Variants in SCIN observed in about 807,000 individuals in gnomAD.
The protein encoded by SCIN is adseverin.
A neutral mutation model predicts 91.8 loss-of-function variants in SCIN; 91 were observed. That is an observed-to-expected ratio of 0.99 (90% CI 0.84 to 1.18). SCIN has a LOEUF of 1.18. Ranked by LOEUF, SCIN falls within the 50% of genes most tolerant of loss-of-function variation. The probability of loss-of-function intolerance (pLI) is 0.00; values close to 1 mark genes in which losing one functional copy is unlikely to be tolerated. For synonymous variants in SCIN, 367 were observed against 312.6 expected, an observed-to-expected ratio of 1.17 and a Z score of -1.84; for missense variants, 1,087 against 863.9, an observed-to-expected ratio of 1.26 and a Z score of -3.24.
At position 12,600,029 on chromosome 7, in the gene SCIN, A is replaced by T. The variant is rs192911263; in HGVS notation, c.517-4485A>T. Among the ~76,000 whole-genome samples the T allele has an allele frequency of 1.6e-3, 241 of 152,134 alleles. 1 individual carries two copies. The highest frequency in any genetic ancestry group is 3.4e-3 in the Middle Eastern group (1 of 294). On this transcript the variant is annotated intron_variant, in intron 3 of 15. Coordinates refer to ENST00000297029, the MANE Select transcript of SCIN (RefSeq NM_001112706.3). ...TTTTTAGTTTAGTTAAGTCCTATCT[A>T]TTTACCTTTGTTTTTGTTGCATTTG...
intron 3 of SCIN, among the ~76,000 whole-genome samples, chr7:12,598,406 G>A (rs1782886634): frequency 1.3e-5 from 2 of 151,994 alleles, no homozygotes; most frequent in South Asian, 4.2e-4. Flanking sequence ...GGGCCGCACA[G>A]TTTATTAATA....
intron 4 of SCIN, among the ~76,000 whole-genome samples, chr7:12,606,732 A>G (rs770531741): frequency 2.0e-5 from 3 of 151,952 alleles, no homozygotes; most frequent in Non-Finnish European, 4.4e-5. Flanking sequence ...GTGGCTGCTT[A>G]TTTTCTTCTT....
intron 4 of SCIN, among the ~76,000 whole-genome samples, chr7:12,618,809 C>G (rs971294264): frequency 7.2e-5 from 11 of 152,170 alleles, no homozygotes; most frequent in African/African-American, 2.6e-4. Flanking sequence ...ACAGAATTTA[C>G]AAATTAAAAT....
At chr7:12,618,044 C>T (rs771560219) in intron 4 of SCIN, among the ~76,000 whole-genome samples, 36 of 152,042 alleles carry the variant, frequency 2.4e-4, no homozygotes, top group Non-Finnish European at 3.4e-4. Flanking sequence ...TCCTCTAATA[C>T]GCTGATATTC....
At chr7:12,609,413 A>G (rs538163803) in intron 4 of SCIN, among the ~76,000 whole-genome samples, 15 of 152,352 alleles carry the variant, frequency 9.8e-5, no homozygotes, top group African/African-American at 3.6e-4. Context: ...ATTTAAAATA[A>G]TCAGTGAATG....
Position 12,652,742 on chromosome 7 carries a change from C to CT in SCIN, c.*27_*28insT. 6.3e-7 allele frequency: 1 copy of CT among 1,590,328 alleles called. No individual in the cohort carries two copies. Among genetic ancestry groups the CT allele is most frequent in the South Asian group, 1.2e-5 (1 of 86,770 alleles). ...TTGGTATTTGTAAAAAGCAAACAAA[C>CT]ATTACAAGGCAGTTATCTCATTGCT... On this transcript the variant is annotated 3_prime_UTR_variant, in exon 16 of 16. Coordinates refer to ENST00000297029, the MANE Select transcript of SCIN (RefSeq NM_001112706.3).
At chr7:12,598,601 C>T (rs562938512) in intron 3 of SCIN, among the ~76,000 whole-genome samples, 2 of 152,226 alleles carry the variant, frequency 1.3e-5, no homozygotes, top group Admixed American at 1.3e-4. Context: ...TGAATAAAAA[C>T]AGTGTTATCG....
chr7:12,603,381 G>T (rs1240334671), intron 3 of SCIN, among the ~76,000 whole-genome samples: 7 of 151,932 alleles, frequency 4.6e-5, no homozygotes, highest in Admixed American at 1.3e-4. Context: ...CCTGACCCAC[G>T]ATCCGCAAGC....
chr7:12,630,038 A>T (rs1259669134), intron 9 of SCIN, among the ~76,000 whole-genome samples: 1 of 152,118 alleles, frequency 6.6e-6, no homozygotes, highest in Non-Finnish European at 1.5e-5. Flanking sequence ...GCAGACGCCT[A>T]CCTTTGCCTA....
intron 3 of SCIN, among the ~76,000 whole-genome samples, chr7:12,586,161 C>G (rs1233745637): frequency 6.6e-6 from 1 of 152,218 alleles, no homozygotes; most frequent in Admixed American, 6.5e-5. Flanking sequence ...AAATGTATAT[C>G]TATCCAGCAT....
chr7:12,636,211 C>A (rs777377224), intron 10 of SCIN, 76 bp downstream of exon 10: 35 of 998,040 alleles, frequency 3.5e-5, no homozygotes, highest in Non-Finnish European at 5.0e-5. Context: ...AGCTCCCTCC[C>A]AAGTTGGGAT....
intron 5 of SCIN, 51 bp downstream of exon 5, chr7:12,622,944 A>G: frequency 5.1e-6 from 7 of 1,372,866 alleles, no homozygotes; most frequent in Non-Finnish European, 7.2e-6. Flanking sequence ...GGATGTAGCT[A>G]GGGAGGCCTG....
At chr7:12,572,010 T>A (rs1417513660) in intron 1 of SCIN, among the ~76,000 whole-genome samples, 1 of 152,130 alleles carries the variant, frequency 6.6e-6, no homozygotes, top group African/African-American at 2.4e-5. Context: ...TCCCTGAGCT[T>A]AGGAGGAAAA....
In SCIN at chr7:12,653,538, T is replaced by C. The variant is rs1324466033; in HGVS notation, c.*823T>C. 1 of 152,260 alleles carries C rather than the reference T, an allele frequency of 6.6e-6. No individual in the cohort carries two copies. The highest frequency in any genetic ancestry group is 1.5e-5 in the Non-Finnish European group (1 of 68,038). The allele number at this position is 152,260 out of a possible 1,614,324, so 9.4% of individuals were successfully genotyped here. Reference sequence around the variant, plus strand: ...ATATGACTTTGATGTCATTAACTGCTAAGTGTTATTTTCTAAGAGGAATTT... The same window carrying C: ...ATATGACTTTGATGTCATTAACTGCCAAGTGTTATTTTCTAAGAGGAATTT... On this transcript the variant is annotated 3_prime_UTR_variant, in exon 16 of 16. Transcript: ENST00000297029. The surrounding 1 kb of genome is among the most constrained non-coding windows in gnomAD (Gnocchi z 4.1).
In SCIN at chr7:12,604,533, G is replaced by A; in HGVS notation, c.536G>A (p.Gly179Asp). The A allele has an allele frequency of 1.3e-6, 2 of 1,551,670 alleles. No individual in the cohort carries two copies. Among genetic ancestry groups the A allele is most frequent in the East Asian group, 2.4e-5 (1 of 40,910 alleles). Residue 179 changes from glycine to aspartate, a missense_variant, in exon 4 of 16, where the codon GGT (glycine) becomes GAT (aspartate). By Grantham distance (94) the Gly-to-Asp change is moderately conservative. Coordinates refer to ENST00000297029, the MANE Select transcript of SCIN (RefSeq NM_001112706.3). The part of the protein sequence containing the change: ...DLGTEIYQWC[G>D]SSCNKYERLK... ...TTTTAGGAAATTTATCAGTGGTGTG[G>A]TTCCTCGTGCAACAAATATGAACGT... is the stretch of plus-strand genomic sequence containing the variant.
At chr7:12,647,349 AT>A (rs200845251) in intron 13 of SCIN, among the ~76,000 whole-genome samples, 2,925 of 152,316 alleles carry the variant, frequency 0.019, 40 homozygotes, top group South Asian at 0.029. Context: ...TGATCTTATA[AT>A]TACTATCAGA....
rs1782263750 is a variant in SCIN, at chr7:12,571,236, T to A, written c.199+251T>A. 1.3e-5 allele frequency: 7 copies of A among 532,330 alleles called. No individual in the cohort carries two copies. The South Asian group carries it at 1.5e-4, about 11-fold the overall frequency. 33.0% of individuals were successfully genotyped at this position (532,330 alleles called of 1,614,324 possible). ...AGGCTTTGACCTTTGCCAGGTGTAG[T>A]TCCTGGACTTTGGAGCTGGTGACTG... On this transcript the variant is annotated intron_variant, in intron 1 of 15. Transcript: ENST00000297029.
chr7:12,572,987 G>T (rs1308761180), intron 1 of SCIN, among the ~76,000 whole-genome samples: 2 of 152,100 alleles, frequency 1.3e-5, no homozygotes, highest in Non-Finnish European at 2.9e-5. Context: ...TGTGGTTATT[G>T]GGAAACAGAA....
At chr7:12,628,940 G>T (rs1167388173) in intron 8 of SCIN, among the ~76,000 whole-genome samples, 161 bp from the exon 9 acceptor site, 1 of 151,984 alleles carries the variant, frequency 6.6e-6, no homozygotes, top group Non-Finnish European at 1.5e-5. Context: ...CAATAAATTG[G>T]CAAATCGATA....
Sources: gnomAD v4.1 joint callset for allele counts (sites outside exome capture counted in the v4.1 genomes callset) on GRCh38, gnomAD v4.1.1 for gene constraint, Gnocchi (gnomAD v3.1) non-coding constraint, MANE v1.5 for transcripts, NCBI Gene and HGNC (gene_info 2026-07-23, HGNC 2026-07-21) for gene names.